The following OPCML variants were observed in gnomAD, a reference collection of about 807,000 sequenced individuals.
OPCML encodes opioid-binding protein/cell adhesion molecule.
OPCML carries 13 observed loss-of-function variants against 37.8 expected under a neutral mutation model. That is an observed-to-expected ratio of 0.34 (90% CI 0.22 to 0.55). OPCML has a LOEUF of 0.55. Among genes scored for constraint, OPCML ranks in the 20% least tolerant of loss-of-function variants. OPCML has a pLI of 0.91. For synonymous variants in OPCML, 176 were observed against 168.8 expected (o/e 1.04, Z -0.33); for missense variants, 341 against 435.6 (o/e 0.78, Z 1.93).
intron 1 of OPCML, among the ~76,000 whole-genome samples, chr11:133,170,511 G>A (rs927925759): frequency 2.0e-5 from 3 of 149,292 alleles, no homozygotes; most frequent in East Asian, 3.9e-4. Context: ...AAAGGATATA[G>A]CAAGGCTTGA....
chr11:133,155,178 G>A (rs1365187249), intron 1 of OPCML, among the ~76,000 whole-genome samples: 2 of 152,124 alleles, frequency 1.3e-5, no homozygotes, highest in African/African-American at 4.8e-5. Flanking sequence ...CTCTTTACTT[G>A]CCTCCATCCC....
chr11:132,532,684 C>T (rs933690719), intron 3 of OPCML, among the ~76,000 whole-genome samples: 4 of 152,062 alleles, frequency 2.6e-5, no homozygotes, highest in Non-Finnish European at 5.9e-5. Context: ...CTTCAAATGC[C>T]TTCCCAGAGC....
chr11:133,203,256 C>T (rs7936936), intron 1 of OPCML, among the ~76,000 whole-genome samples: 20,026 of 152,224 alleles, frequency 0.13, 1,592 homozygotes, highest in African/African-American at 0.21. Flanking sequence ...CATCTGAAAC[C>T]GGGATAATAA....
In OPCML at chr11:132,716,099, A is replaced by T. The variant is rs112997413; in HGVS notation, c.147-58780T>A. Reference sequence around the variant, plus strand: ...TTATCACCAAAGGAAAGAAAGAAGGAGGGCTGCTCCAGATGAGAAGAGCTG... The same window carrying T: ...TTATCACCAAAGGAAAGAAAGAAGGTGGGCTGCTCCAGATGAGAAGAGCTG... On this transcript the variant is annotated intron_variant, in intron 2 of 7. Transcript: ENST00000524381. Among the ~76,000 whole-genome samples, 322 of 152,336 alleles carry T rather than the reference A, an allele frequency of 2.1e-3. 1 individual carries two copies. Among genetic ancestry groups the T allele is most frequent in the African/African-American group, 7.4e-3 (307 of 41,580 alleles).
At chr11:133,209,674 C>T (rs770555996) in intron 1 of OPCML, among the ~76,000 whole-genome samples, 18 of 152,114 alleles carry the variant, frequency 1.2e-4, no homozygotes, top group African/African-American at 2.9e-4. Context: ...TGCACAGCTA[C>T]GAGTAGACTT....
At chr11:133,426,602 A>G (rs1204661900) in intron 1 of OPCML, among the ~76,000 whole-genome samples, 1 of 152,140 alleles carries the variant, frequency 6.6e-6, no homozygotes, top group Admixed American at 6.5e-5. Context: ...CCCGACGCCC[A>G]CACCAACCTG....
intron 2 of OPCML, among the ~76,000 whole-genome samples, chr11:132,813,203 T>C (rs1300008473): frequency 6.6e-6 from 1 of 152,174 alleles, no homozygotes; most frequent in Non-Finnish European, 1.5e-5. Flanking sequence ...TGGTTCAGAC[T>C]TTTTACAGCT....
At chr11:132,482,458 C>G (rs1166142326) in intron 4 of OPCML, among the ~76,000 whole-genome samples, 1 of 152,002 alleles carries the variant, frequency 6.6e-6, no homozygotes, top group Non-Finnish European at 1.5e-5. Flanking sequence ...AGTCCAGGAC[C>G]AGATGGATTC....
chr11:132,765,165 A>G (rs1175280183), intron 2 of OPCML, among the ~76,000 whole-genome samples: 1 of 152,184 alleles, frequency 6.6e-6, no homozygotes, highest in East Asian at 1.9e-4. Flanking sequence ...ACGGCTCTAG[A>G]GCCCTGGGTT....
intron 7 of OPCML, among the ~76,000 whole-genome samples, chr11:132,426,000 C>A (rs2095976609): frequency 6.6e-6 from 1 of 152,160 alleles, no homozygotes; most frequent in Non-Finnish European, 1.5e-5. Context: ...TAATTATGCC[C>A]TTTACCATTA....
At chr11:132,944,387 C>T (rs1591835477) in intron 1 of OPCML, among the ~76,000 whole-genome samples, 2 of 152,066 alleles carry the variant, frequency 1.3e-5, no homozygotes, top group East Asian at 3.9e-4. Flanking sequence ...GCGAACGGCT[C>T]CCCGCCCAGC....
At chr11:132,738,345 T>C (rs1224778447) in intron 2 of OPCML, among the ~76,000 whole-genome samples, 1 of 152,210 alleles carries the variant, frequency 6.6e-6, no homozygotes, top group Non-Finnish European at 1.5e-5. Flanking sequence ...CAAGCTTATC[T>C]GTTGAAGAGT....
At chr11:132,793,213 A>C (rs1565867994) in intron 2 of OPCML, among the ~76,000 whole-genome samples, 1 of 151,518 alleles carries the variant, frequency 6.6e-6, no homozygotes, top group African/African-American at 2.4e-5. Flanking sequence ...CCTTCCCGGG[A>C]CCCCCAGTAG....
At chr11:132,553,810 T>G (rs1240229252) in intron 3 of OPCML, among the ~76,000 whole-genome samples, 1 of 152,194 alleles carries the variant, frequency 6.6e-6, no homozygotes, top group East Asian at 1.9e-4. Context: ...ATATTCTCCC[T>G]TCCCAAACTC....
At chr11:133,213,406 C>T (rs917469792) in intron 1 of OPCML, among the ~76,000 whole-genome samples, 4 of 152,114 alleles carry the variant, frequency 2.6e-5, no homozygotes, top group African/African-American at 7.2e-5. Flanking sequence ...AGAAAGACAT[C>T]TCTATAGGTA....
At chr11:132,906,112 C>A (rs765915569) in intron 2 of OPCML, among the ~76,000 whole-genome samples, 1 of 152,102 alleles carries the variant, frequency 6.6e-6, no homozygotes, top group Non-Finnish European at 1.5e-5. Context: ...TGCTGCCTTT[C>A]GACATTCTCT....
At chr11:133,338,514 A>G (rs1183808485) in intron 1 of OPCML, among the ~76,000 whole-genome samples, 1 of 152,198 alleles carries the variant, frequency 6.6e-6, no homozygotes, top group African/African-American at 2.4e-5. Flanking sequence ...AAGAGGGCCA[A>G]CAGCGAAACT....
intron 1 of OPCML, among the ~76,000 whole-genome samples, chr11:133,462,113 T>C (rs1248978862): frequency 1.3e-5 from 2 of 151,988 alleles, no homozygotes; most frequent in African/African-American, 4.8e-5. Context: ...TTAGCCCATA[T>C]ACAAAAATGA....
chr11:133,509,061 A>G (rs1380728439), intron 1 of OPCML, among the ~76,000 whole-genome samples: 6 of 152,024 alleles, frequency 3.9e-5, no homozygotes, highest in African/African-American at 7.2e-5. Flanking sequence ...TAATCTCCAC[A>G]GCAATCTTTT....
Sources: gnomAD v4.1 joint callset for allele counts (sites outside exome capture counted in the v4.1 genomes callset) on GRCh38, gnomAD v4.1.1 for gene constraint, MANE v1.5 for transcripts, NCBI Gene and HGNC (gene_info 2026-07-23, HGNC 2026-07-21) for gene names.